The following LPP variants were observed in gnomAD, a reference collection of about 807,000 sequenced individuals.
The protein encoded by LPP is LIM domain containing preferred translocation partner in lipoma, also known as lipoma-preferred partner.
In LPP, 38 loss-of-function variants were observed where a neutral mutation model predicts 60.4. The observed-to-expected ratio is 0.63, with a 90% CI of 0.49 to 0.83. The LOEUF (loss-of-function observed/expected upper bound fraction) is 0.83. Ranked by LOEUF, LPP falls within the 40% of genes least tolerant of loss-of-function variation. LPP has a pLI of 0.00. For synonymous variants in LPP, 328 were observed against 290.8 expected, an observed-to-expected ratio of 1.13 and a Z score of -1.30; for missense variants, 902 against 783.6, an observed-to-expected ratio of 1.15 and a Z score of -1.80.
At chr3:188,532,294 A>G (rs1382975628) in intron 6 of LPP, among the ~76,000 whole-genome samples, 3 of 152,052 alleles carry the variant, frequency 2.0e-5, no homozygotes, top group African/African-American at 7.3e-5. Flanking sequence ...GGGTGGTGGC[A>G]TGCACCTGTA....
chr3:188,174,706 T>C (rs934251689), intron 1 of LPP, among the ~76,000 whole-genome samples: 4 of 152,230 alleles, frequency 2.6e-5, no homozygotes, highest in African/African-American at 7.2e-5. Flanking sequence ...CTCTTGTCTT[T>C]GTTGCAGCAC....
intron 8 of LPP, among the ~76,000 whole-genome samples, chr3:188,726,917 T>A (rs1057329799): frequency 6.6e-6 from 1 of 152,194 alleles, no homozygotes; most frequent in Non-Finnish European, 1.5e-5. Flanking sequence ...CAAATTCTTA[T>A]CATTCAAAAT....
At chr3:188,417,549 A>G (rs558757653) in intron 4 of LPP, among the ~76,000 whole-genome samples, 8 of 152,230 alleles carry the variant, frequency 5.3e-5, no homozygotes, top group Non-Finnish European at 1.2e-4. Context: ...ATAGCTTTGC[A>G]ATGTGAACAG....
At chr3:188,236,350 G>A (rs778209217) in intron 2 of LPP, among the ~76,000 whole-genome samples, 14 of 152,316 alleles carry the variant, frequency 9.2e-5, no homozygotes, top group Non-Finnish European at 1.9e-4. Flanking sequence ...AAACGAGGTA[G>A]CAAGCCAGAG....
chr3:188,347,251 G>T (rs1290581020), intron 3 of LPP, among the ~76,000 whole-genome samples: 1 of 152,146 alleles, frequency 6.6e-6, no homozygotes, highest in Non-Finnish European at 1.5e-5. Flanking sequence ...ATGGTAGATG[G>T]GCCCCAGAGG....
chr3:188,668,172 A>G (rs983869866), intron 7 of LPP, among the ~76,000 whole-genome samples: 3 of 152,006 alleles, frequency 2.0e-5, no homozygotes, highest in Non-Finnish European at 4.4e-5. Context: ...AAAAAATGGT[A>G]TCTGGTACAT....
intron 11 of LPP, among the ~76,000 whole-genome samples, chr3:188,873,670 G>A (rs2152057690): frequency 6.6e-6 from 1 of 152,128 alleles, no homozygotes; most frequent in South Asian, 2.1e-4. Context: ...CAGAGTGGCA[G>A]TCGGCCTGTG....
Position 188,610,381 on chromosome 3 carries a change from G to A in LPP, c.1113+537G>A, listed in dbSNP as rs543747220. On this transcript the variant is annotated intron_variant, in intron 7 of 11. Coordinates refer to ENST00000617246, the MANE Select transcript of LPP (RefSeq NM_001375462.1). The surrounding 1 kb of genome is among the most constrained non-coding windows in gnomAD (Gnocchi z 4.4). ...AATGTTGGTACCACAGCGGTTGCTGGGCCAGAACAAGTGGCCAAGGACCCA... is the reference window on the plus strand; with the variant it reads ...AATGTTGGTACCACAGCGGTTGCTGAGCCAGAACAAGTGGCCAAGGACCCA... 4.6e-5 allele frequency among the ~76,000 whole-genome samples: 7 copies of A among 152,254 alleles called. No homozygotes were observed. The highest frequency in any genetic ancestry group is 1.7e-4 in the African/African-American group (7 of 41,552).
At chr3:188,674,661 A>T (rs1313752036) in intron 7 of LPP, among the ~76,000 whole-genome samples, 1 of 152,192 alleles carries the variant, frequency 6.6e-6, no homozygotes, top group South Asian at 2.1e-4. Flanking sequence ...ACATTTTCTC[A>T]TTTAATCTTC....
chr3:188,579,430 C>G (rs1835529176), intron 6 of LPP, among the ~76,000 whole-genome samples: 1 of 152,138 alleles, frequency 6.6e-6, no homozygotes, highest in Non-Finnish European at 1.5e-5. Context: ...ATAAGGGTGT[C>G]ATATTAAGGT....
chr3:188,174,946 G>A (rs1202958605), intron 1 of LPP, among the ~76,000 whole-genome samples: 3 of 152,178 alleles, frequency 2.0e-5, no homozygotes, highest in South Asian at 2.1e-4. Context: ...CAATATGCTC[G>A]TCTTATTTTG....
At chr3:188,771,549 C>CAAAAA (rs66712771) in intron 9 of LPP, among the ~76,000 whole-genome samples, 5,090 of 108,772 alleles carry the variant, frequency 0.047, 191 homozygotes, top group African/African-American at 0.065. Flanking sequence ...GACTCCATCT[C>CAAAAA]AAAAAAAAAA....
chr3:188,664,149 A>G (rs964675034), intron 7 of LPP, among the ~76,000 whole-genome samples: 1 of 152,174 alleles, frequency 6.6e-6, no homozygotes, highest in Non-Finnish European at 1.5e-5. Context: ...ACTCACCTCT[A>G]AGCTTTTTCA....
chr3:188,478,284 C>T (rs1318873988), intron 4 of LPP, among the ~76,000 whole-genome samples: 3 of 152,172 alleles, frequency 2.0e-5, no homozygotes, highest in Non-Finnish European at 2.9e-5. Flanking sequence ...CGTAATTTAG[C>T]TCAGTTATGT....
chr3:188,527,416 C>T lies in LPP; in HGVS notation c.429+2629C>T, dbSNP rs188239127. On this transcript the variant is annotated intron_variant, in intron 6 of 11. Coordinates refer to ENST00000617246, the MANE Select transcript of LPP (RefSeq NM_001375462.1). The stretch of plus-strand genomic sequence containing the variant: ...GTTTCCTACAGACAGCGTGTAGACA[C>T]GTTTAAATGCCAGATTATGATTTTA... Among the ~76,000 whole-genome samples, 285 of 148,788 alleles carry T rather than the reference C, an allele frequency of 1.9e-3. 2 individuals carry two copies. The highest frequency in any genetic ancestry group is 6.0e-3 in the African/African-American group (241 of 40,372).
At chr3:188,508,664 G>A (rs1189647077) in intron 5 of LPP, among the ~76,000 whole-genome samples, 1 of 152,188 alleles carries the variant, frequency 6.6e-6, no homozygotes, top group Admixed American at 6.5e-5. Flanking sequence ...TTGCCATTTC[G>A]ACAGATGAGG....
intron 9 of LPP, among the ~76,000 whole-genome samples, chr3:188,840,981 C>T (rs979855558): frequency 1.3e-5 from 2 of 152,146 alleles, no homozygotes; most frequent in African/African-American, 2.4e-5. Flanking sequence ...CTGTTTAGAA[C>T]TCGCTTTTCT....
At chr3:188,497,417 G>A (rs189803905) in intron 5 of LPP, among the ~76,000 whole-genome samples, 75 of 152,132 alleles carry the variant, frequency 4.9e-4, no homozygotes, top group African/African-American at 1.7e-3. Context: ...TTCATTATTC[G>A]TGAGCTTTAA....
Position 188,588,833 on chromosome 3 carries a change from T to G in LPP, c.430-20328T>G, listed in dbSNP as rs569357904. On this transcript the variant is annotated intron_variant, in intron 6 of 11. Transcript: ENST00000617246. ...ATGTGTGTCCACAAACACACAGCCA[T>G]CCATGTGTTGTGATTCCACGCACCT... 2.0e-3 allele frequency among the ~76,000 whole-genome samples: 312 copies of G among 152,236 alleles called. 1 individual carries two copies. Among genetic ancestry groups the G allele is most frequent in the African/African-American group, 7.4e-3 (308 of 41,544 alleles).
Sources: gnomAD v4.1 joint callset for allele counts (sites outside exome capture counted in the v4.1 genomes callset) on GRCh38, gnomAD v4.1.1 for gene constraint, Gnocchi (gnomAD v3.1) non-coding constraint, MANE v1.5 for transcripts, NCBI Gene and HGNC (gene_info 2026-07-23, HGNC 2026-07-21) for gene names.